Variants in TTC33 observed in about 807,000 individuals in gnomAD.
TTC33 encodes tetratricopeptide repeat domain 33.
TTC33 carries 24 observed loss-of-function variants against 29.4 expected under a neutral mutation model. The observed-to-expected ratio is 0.82, with a 90% CI of 0.59 to 1.15. The LOEUF (loss-of-function observed/expected upper bound fraction) is 1.15. TTC33 is among the 50% of genes most tolerant of loss of function. TTC33 has a pLI of 0.00. For synonymous variants in TTC33, 107 were observed against 100.3 expected (o/e 1.07, Z -0.40); for missense variants, 286 against 310.4 (o/e 0.92, Z 0.59).
chr5:40,742,335 ATAAC>A (rs1324175629), intron 2 of TTC33, among the ~76,000 whole-genome samples: 1 of 152,132 alleles, frequency 6.6e-6, no homozygotes, highest in Non-Finnish European at 1.5e-5. Context: ...AATAATAATA[ATAAC>A]TAATATTTAT....
intron 4 of TTC33, among the ~76,000 whole-genome samples, chr5:40,722,243 T>A (rs568930286): frequency 5.1e-3 from 778 of 151,738 alleles, no homozygotes; most frequent in Middle Eastern, 0.017. Flanking sequence ...CCAGGCGTGA[T>A]CTCGGCTCGC....
At chr5:40,737,831 T>C (rs915144097) in intron 2 of TTC33, among the ~76,000 whole-genome samples, 7 of 152,222 alleles carry the variant, frequency 4.6e-5, no homozygotes, top group Admixed American at 2.6e-4. Flanking sequence ...AAAATTGGAA[T>C]CAGACGGTAT....
chr5:40,738,562 TAAAATATAAA>T (rs1162492594), intron 2 of TTC33, among the ~76,000 whole-genome samples: 33 of 126,038 alleles, frequency 2.6e-4, no homozygotes, highest in African/African-American at 7.1e-4. Flanking sequence ...TAAAATAAAA[TAAAATATAAA>T]ATAAAATAAA....
At chr5:40,737,886 A>C (rs2111912884) in intron 2 of TTC33, among the ~76,000 whole-genome samples, 1 of 152,324 alleles carries the variant, frequency 6.6e-6, no homozygotes, top group East Asian at 1.9e-4. Context: ...CTGAGATGTC[A>C]ATCATTTCTT....
In TTC33 at chr5:40,746,848, C is replaced by G. The variant is rs753469350; in HGVS notation, c.171G>C (p.Glu57Asp). 1.9e-6 allele frequency: 3 copies of G among 1,614,040 alleles called. No individual in the cohort carries two copies. The highest frequency in any genetic ancestry group is 2.5e-6 in the Non-Finnish European group (3 of 1,180,004). Reference protein sequence around the residue: ...RKEILLEGCAEKSKQLKDEGA... With the variant: ...RKEILLEGCADKSKQLKDEGA... Reference sequence around the variant, plus strand: ...CTTCATCCTTCAGCTGTTTACTTTTCTCAGCACAGCCTTCAAGAAGAATTT... The same window carrying G: ...CTTCATCCTTCAGCTGTTTACTTTTGTCAGCACAGCCTTCAAGAAGAATTT... Residue 57 changes from glutamate to aspartate, a missense_variant, in exon 2 of 5, where the codon GAG becomes GAC. Glu to Asp is a conservative substitution (Grantham distance 45). Transcript: ENST00000337702.
At chr5:40,730,188 C>T (rs1181438394) in intron 3 of TTC33, 74 bp downstream of exon 3, 2 of 1,134,268 alleles carry the variant, frequency 1.8e-6, no homozygotes, top group East Asian at 4.8e-5. Flanking sequence ...TGCTATTTTG[C>T]TTCATCATTG....
At chr5:40,724,557 C>T (rs1005489882) in intron 4 of TTC33, among the ~76,000 whole-genome samples, 1 of 151,066 alleles carries the variant, frequency 6.6e-6, no homozygotes, top group East Asian at 2.0e-4. Context: ...GGCTTGAACC[C>T]GGGAGGTGGA....
chr5:40,753,342 C>A (rs369832140), intron 1 of TTC33, among the ~76,000 whole-genome samples: 1 of 149,610 alleles, frequency 6.7e-6, no homozygotes, highest in Admixed American at 6.7e-5. Flanking sequence ...CCAGCCTGAG[C>A]GACACGAGCA....
chr5:40,755,109 A>C (rs1198898108), intron 1 of TTC33, among the ~76,000 whole-genome samples: 2 of 152,192 alleles, frequency 1.3e-5, no homozygotes, highest in African/African-American at 4.8e-5. Flanking sequence ...TAACGATTCT[A>C]AACAACGACG....
intron 1 of TTC33, among the ~76,000 whole-genome samples, chr5:40,750,724 A>T (rs1561156213): frequency 6.6e-6 from 1 of 152,214 alleles, no homozygotes; most frequent in Admixed American, 6.5e-5. Flanking sequence ...CCACTGCTTT[A>T]TCAACTAAGT....
chr5:40,724,313 A>C (rs1392494899), intron 4 of TTC33, among the ~76,000 whole-genome samples: 1 of 152,204 alleles, frequency 6.6e-6, no homozygotes, highest in African/African-American at 2.4e-5. Flanking sequence ...CGATATCTCT[A>C]AAACAGGCAA....
chr5:40,750,263 C>A (rs1742869787), intron 1 of TTC33, among the ~76,000 whole-genome samples: 1 of 152,052 alleles, frequency 6.6e-6, no homozygotes, highest in Non-Finnish European at 1.5e-5. Flanking sequence ...GTGGCTGTGA[C>A]AATTTTTTAA....
chr5:40,730,144 A>G (rs1742388626), intron 3 of TTC33, 118 bp downstream of exon 3: 1 of 744,388 alleles, frequency 1.3e-6, no homozygotes, highest in African/African-American at 1.8e-5. Context: ...TTTTTCCCAA[A>G]GAAACCGTAT....
intron 2 of TTC33, among the ~76,000 whole-genome samples, chr5:40,731,001 A>G (rs1016598469): frequency 1.3e-5 from 2 of 152,218 alleles, no homozygotes; most frequent in Non-Finnish European, 2.9e-5. Context: ...AGCAGTAACT[A>G]TATCACCTAA....
At chr5:40,716,856 A>T (rs184094083) in intron 4 of TTC33, among the ~76,000 whole-genome samples, 3 of 152,300 alleles carry the variant, frequency 2.0e-5, no homozygotes, top group African/African-American at 7.2e-5. Context: ...CCAGGAGTGG[A>T]TATCTTTGAA....
chr5:40,732,443 C>T (rs1250618228), intron 2 of TTC33, among the ~76,000 whole-genome samples: 2 of 151,704 alleles, frequency 1.3e-5, no homozygotes, highest in Non-Finnish European at 2.9e-5. Flanking sequence ...AAGACCAATA[C>T]TTTCTGTAAC....
At chr5:40,721,052 T>C (rs1020901839) in intron 4 of TTC33, among the ~76,000 whole-genome samples, 2 of 152,080 alleles carry the variant, frequency 1.3e-5, no homozygotes, top group African/African-American at 4.8e-5. Flanking sequence ...TGGCATACAG[T>C]GAGCGAAGAA....
At chr5:40,724,782 A>G (rs1742240839) in intron 4 of TTC33, among the ~76,000 whole-genome samples, 1 of 152,184 alleles carries the variant, frequency 6.6e-6, no homozygotes, top group Non-Finnish European at 1.5e-5. Flanking sequence ...CTATTCAATT[A>G]TAAAAAAGAT....
intron 2 of TTC33, among the ~76,000 whole-genome samples, chr5:40,730,616 G>A (rs893620461): frequency 3.3e-5 from 5 of 151,836 alleles, no homozygotes; most frequent in Admixed American, 6.6e-5. Flanking sequence ...CTCCACCCCC[G>A]GGCAAACACC....
Sources: gnomAD v4.1 joint callset for allele counts (sites outside exome capture counted in the v4.1 genomes callset) on GRCh38, gnomAD v4.1.1 for gene constraint, MANE v1.5 for transcripts, NCBI Gene and HGNC (gene_info 2026-07-23, HGNC 2026-07-21) for gene names.